PDE1C: variants seen among roughly 807,000 people sequenced by gnomAD.
The protein encoded by PDE1C is phosphodiesterase 1C.
PDE1C carries 62 observed loss-of-function variants against 93.1 expected under a neutral mutation model. That is an observed-to-expected ratio of 0.67 (90% CI 0.54 to 0.82). The LOEUF is 0.82. Ranked by LOEUF, PDE1C falls within the 40% of genes least tolerant of loss-of-function variation. The pLI, the probability that PDE1C is intolerant of heterozygous loss-of-function variation, is 0.00. For missense variants in PDE1C, 742 were observed against 884.6 expected, an observed-to-expected ratio of 0.84 and a Z score of 2.04; for synonymous variants, 325 against 310.1, an observed-to-expected ratio of 1.05 and a Z score of -0.50.
intron 16 of PDE1C, among the ~76,000 whole-genome samples, chr7:31,790,994 A>G (rs997816588): frequency 2.0e-5 from 3 of 152,110 alleles, no homozygotes; most frequent in Admixed American, 6.6e-5. Flanking sequence ...ATCATGCCTT[A>G]TAGTTAGAAA....
At chr7:31,884,115 C>G (rs377412833) in intron 2 of PDE1C, among the ~76,000 whole-genome samples, 1 of 152,152 alleles carries the variant, frequency 6.6e-6, no homozygotes, top group East Asian at 1.9e-4. Context: ...AACTTCCTGG[C>G]AGACAGTGAG....
At chr7:32,110,400 C>G (rs895670508) in intron 3 of PDE1C, among the ~76,000 whole-genome samples, 2 of 152,152 alleles carry the variant, frequency 1.3e-5, no homozygotes, top group Non-Finnish European at 2.9e-5. Flanking sequence ...AAGACCCACC[C>G]CTATAATTCA....
intron 3 of PDE1C, among the ~76,000 whole-genome samples, chr7:32,139,821 G>A (rs889709933): frequency 2.0e-5 from 3 of 152,146 alleles, no homozygotes; most frequent in Non-Finnish European, 2.9e-5. Context: ...GACACTGGAA[G>A]AGATATCTCA....
the PDE1C span, among the ~76,000 whole-genome samples, chr7:31,679,809 A>G: frequency 6.6e-6 from 1 of 152,278 alleles, no homozygotes; most frequent in East Asian, 1.9e-4. Context: ...GCTTGAGGTA[A>G]TGTTTGACAG....
intron 2 of PDE1C, among the ~76,000 whole-genome samples, chr7:31,890,319 C>T (rs1365816769): frequency 6.6e-6 from 1 of 152,156 alleles, no homozygotes; most frequent in Non-Finnish European, 1.5e-5. Context: ...GATAAACATG[C>T]CACTTCAACA....
At chr7:31,623,986 CAGAG>C in the PDE1C span, among the ~76,000 whole-genome samples, 13 of 149,388 alleles carry the variant, frequency 8.7e-5, no homozygotes, top group Non-Finnish European at 1.6e-4. Flanking sequence ...AACAGACAAA[CAGAG>C]AGCCAAATCA....
chr7:31,735,507 A>G, the PDE1C span, among the ~76,000 whole-genome samples: 1 of 151,974 alleles, frequency 6.6e-6, no homozygotes, highest in Non-Finnish European at 1.5e-5. Flanking sequence ...TACAGAAGGC[A>G]TCTATCCGCT....
chr7:32,341,338 G>A (rs1783751610), intron 1 of PDE1C, among the ~76,000 whole-genome samples: 1 of 149,396 alleles, frequency 6.7e-6, no homozygotes, highest in Non-Finnish European at 1.5e-5. Flanking sequence ...ACCACGCCCG[G>A]CTAATTTTTT....
At chr7:32,293,605 G>T (rs1045490295) in intron 1 of PDE1C, among the ~76,000 whole-genome samples, 2 of 152,190 alleles carry the variant, frequency 1.3e-5, no homozygotes, top group Non-Finnish European at 2.9e-5. Context: ...TGAGGAAACA[G>T]AGGCTCAGAG....
At chr7:32,379,670 T>C (rs913952607) in intron 1 of PDE1C, among the ~76,000 whole-genome samples, 1 of 152,184 alleles carries the variant, frequency 6.6e-6, no homozygotes, top group Admixed American at 6.5e-5. Flanking sequence ...TTAATTGAGT[T>C]GCTGATGAAC....
chr7:32,103,909 G>A (rs1375883853), intron 3 of PDE1C, among the ~76,000 whole-genome samples: 2 of 151,920 alleles, frequency 1.3e-5, no homozygotes, highest in Non-Finnish European at 2.9e-5. Flanking sequence ...TATTAGAAAC[G>A]AAAAGTACAT....
At chr7:32,421,566 C>T (rs1402541890) in intron 1 of PDE1C, among the ~76,000 whole-genome samples, 2 of 152,148 alleles carry the variant, frequency 1.3e-5, no homozygotes, top group African/African-American at 4.8e-5. Context: ...TGCCTATAGC[C>T]AGGAAGTATG....
In PDE1C at chr7:32,345,656, T is replaced by A. The variant is rs145181100; in HGVS notation, c.310+82166A>T. 1.2e-3 allele frequency among the ~76,000 whole-genome samples: 184 copies of A among 152,252 alleles called. 1 individual carries two copies. Among genetic ancestry groups the A allele is most frequent in the African/African-American group, 4.2e-3 (174 of 41,564 alleles). On this transcript the variant is annotated intron_variant, in intron 1 of 1. Coordinates refer to the PDE1C transcript ENST00000672256. ...TAAAAAATCTTACAAGCCAATAAGA[T>A]AAACAACTCAATTTAAAAATAATTG...
intron 3 of PDE1C, among the ~76,000 whole-genome samples, chr7:32,135,431 GAAAC>G (rs1800152630): frequency 6.6e-6 from 1 of 151,908 alleles, no homozygotes; most frequent in East Asian, 1.9e-4. Context: ...GCAAAAAAAT[GAAAC>G]AAACAAAAAA....
At chr7:31,844,198 TATC>T (rs1475533386) in intron 9 of PDE1C, among the ~76,000 whole-genome samples, 5 of 151,784 alleles carry the variant, frequency 3.3e-5, no homozygotes, top group Admixed American at 6.6e-5. Flanking sequence ...CTGATTTCAC[TATC>T]ATATCATTTT....
At chr7:32,170,856 T>A (rs7795398) in intron 2 of PDE1C, among the ~76,000 whole-genome samples, 42,402 of 151,776 alleles carry the variant, frequency 0.28, 6,110 homozygotes, top group East Asian at 0.44. Flanking sequence ...CCACACCCCA[T>A]CTACCTCCCT....
intron 1 of PDE1C, among the ~76,000 whole-genome samples, chr7:32,307,293 A>G (rs1813029312): frequency 6.6e-6 from 1 of 152,120 alleles, no homozygotes; most frequent in South Asian, 2.1e-4. Flanking sequence ...TAGCTTCATC[A>G]GCACCTAGAC....
the PDE1C span, among the ~76,000 whole-genome samples, chr7:31,670,440 C>G: frequency 6.6e-6 from 1 of 152,176 alleles, no homozygotes; most frequent in Non-Finnish European, 1.5e-5. Flanking sequence ...TAAATCTGCT[C>G]CTGTCTCAGT....
intron 16 of PDE1C, among the ~76,000 whole-genome samples, chr7:31,790,945 T>C (rs1285241679): frequency 6.6e-6 from 1 of 152,134 alleles, no homozygotes; most frequent in South Asian, 2.1e-4. Flanking sequence ...AAACCCACCA[T>C]ATTATTTCTT....
Sources: allele counts gnomAD v4.1 joint callset (sites outside exome capture counted in the v4.1 genomes callset), GRCh38; gene constraint gnomAD v4.1.1; transcripts MANE v1.5; gene names NCBI Gene and HGNC (gene_info 2026-07-23, HGNC 2026-07-21).